SLIT3: variants seen among roughly 807,000 people sequenced by gnomAD.
SLIT3 encodes the protein slit homolog 3 protein.
Under a neutral mutation model 184.0 loss-of-function variants are expected in SLIT3, and 68 were observed. The observed-to-expected ratio is 0.37, with a 90% CI of 0.30 to 0.45. SLIT3 has a LOEUF of 0.45. Ranked by LOEUF, SLIT3 falls within the 20% of genes least tolerant of loss-of-function variation. SLIT3 has a pLI of 1.00. For synonymous variants in SLIT3, 831 were observed against 828.6 expected (o/e 1.00, Z -0.05); for missense variants, 1,707 against 2,026.0 (o/e 0.84, Z 3.02).
intron 5 of SLIT3, among the ~76,000 whole-genome samples, chr5:168,874,574 A>G (rs764884574): frequency 3.3e-5 from 5 of 152,226 alleles, no homozygotes; most frequent in Admixed American, 6.5e-5. Context: ...TGTTTTAGGA[A>G]ATATGCAAAG....
intron 16 of SLIT3, among the ~76,000 whole-genome samples, chr5:168,756,275 CAAT>C (rs960981766): frequency 5.3e-5 from 8 of 152,364 alleles, no homozygotes; most frequent in African/African-American, 1.9e-4. Flanking sequence ...TGACCCACAA[CAAT>C]GCCAGGGGGC....
At chr5:168,783,895 C>T (rs1256589247) in intron 12 of SLIT3, among the ~76,000 whole-genome samples, 2 of 152,146 alleles carry the variant, frequency 1.3e-5, no homozygotes, top group Admixed American at 6.5e-5. Flanking sequence ...CCAAGCTACT[C>T]GATTCCATCT....
intron 4 of SLIT3, among the ~76,000 whole-genome samples, chr5:168,909,448 A>G (rs1761184713): frequency 6.6e-6 from 1 of 152,230 alleles, no homozygotes; most frequent in Admixed American, 6.5e-5. Context: ...TAGAAGGTAC[A>G]GGCAATTCTT....
Position 168,719,812 on chromosome 5 carries a change from G to T in SLIT3, c.2483+2444C>A, listed in dbSNP as rs1486122335. 4 of 152,208 alleles carry T rather than the reference G, an allele frequency of 2.6e-5. No individual in the cohort carries two copies. The East Asian group carries it at 7.7e-4, about 29-fold the overall frequency. 9.4% of individuals were successfully genotyped at this position (152,208 alleles called of 1,614,324 possible). On this transcript the variant is annotated intron_variant, in intron 23 of 35. Transcript: ENST00000519560. ...ATTGGCCCTTAGGCAGAAAATGGTT[G>T]CTCCCCACTGAGGTAGATGGTTGGA...
intron 4 of SLIT3, among the ~76,000 whole-genome samples, chr5:168,987,524 T>C: frequency 6.6e-6 from 1 of 152,228 alleles, no homozygotes; most frequent in East Asian, 1.9e-4. Context: ...TGATGATTCC[T>C]GCCTGTCAGG....
chr5:168,846,291 T>C (rs1758463457), intron 5 of SLIT3, among the ~76,000 whole-genome samples: 1 of 152,012 alleles, frequency 6.6e-6, no homozygotes, highest in East Asian at 1.9e-4. Context: ...AGTTGGCGAG[T>C]TCTGTATCTA....
At chr5:169,142,059 A>G (rs1447212810) in intron 4 of SLIT3, among the ~76,000 whole-genome samples, 2 of 119,754 alleles carry the variant, frequency 1.7e-5, no homozygotes, top group East Asian at 5.8e-4. Context: ...CAAAAAAAAA[A>G]TAAAAATAAA....
intron 4 of SLIT3, among the ~76,000 whole-genome samples, chr5:169,090,658 G>A (rs890878217): frequency 5.3e-5 from 8 of 152,220 alleles, no homozygotes; most frequent in African/African-American, 1.9e-4. Flanking sequence ...ATCTTGAAAA[G>A]AGAGACTGAA....
At chr5:168,969,310 T>A (rs1436620593) in intron 4 of SLIT3, among the ~76,000 whole-genome samples, 2 of 152,200 alleles carry the variant, frequency 1.3e-5, no homozygotes, top group African/African-American at 4.8e-5. Context: ...TAGGTTGTGA[T>A]GAATAAATTA....
intron 4 of SLIT3, among the ~76,000 whole-genome samples, chr5:169,189,283 C>T (rs1474299149): frequency 2.6e-5 from 4 of 151,938 alleles, no homozygotes. Context: ...TTGAGCATAA[C>T]TTCAGCTGCC....
At chr5:169,141,515 A>G (rs1427499605) in intron 4 of SLIT3, among the ~76,000 whole-genome samples, 2 of 150,764 alleles carry the variant, frequency 1.3e-5, no homozygotes, top group East Asian at 2.0e-4. Flanking sequence ...CAAGGTGGGC[A>G]GATCACGAGT....
At chr5:168,935,960 G>T (rs1436221580) in intron 4 of SLIT3, among the ~76,000 whole-genome samples, 1 of 152,190 alleles carries the variant, frequency 6.6e-6, no homozygotes, top group Non-Finnish European at 1.5e-5. Context: ...AATGCATCAG[G>T]CTGAAAGCAA....
chr5:168,874,538 G>A (rs956939740), intron 5 of SLIT3, among the ~76,000 whole-genome samples: 1 of 152,236 alleles, frequency 6.6e-6, no homozygotes, highest in Admixed American at 6.5e-5. Flanking sequence ...GGACAGCTGA[G>A]TAGACAGTTA....
rs56039430 is a variant in SLIT3 at position 168,904,489 on chromosome 5, C to CAATAATAATAATAAT, written c.414-21168_414-21154dup. 4.1e-5 allele frequency among the ~76,000 whole-genome samples: 6 copies of CAATAATAATAATAAT among 147,648 alleles called. No homozygotes were observed. The East Asian group carries it at 8.0e-4, about 20-fold the overall frequency. ...CCAGAAAATCTTACTTTAGAAATAA[C>CAATAATAATAATAAT]AATAATAATAATAATAATAATAATA... On this transcript the variant is annotated intron_variant, in intron 4 of 35. Coordinates refer to ENST00000519560, the MANE Select transcript of SLIT3 (RefSeq NM_003062.4).
rs144793153 is a variant in SLIT3 at position 168,711,658 on chromosome 5, A to G, written c.2556-600T>C. On this transcript the variant is annotated intron_variant, in intron 24 of 35. Coordinates refer to ENST00000519560, the MANE Select transcript of SLIT3 (RefSeq NM_003062.4). ...TAAATATGCATATAGAAGGAATACA[A>G]ACTCGAAAATGTTCACTGACAGAGG... is the stretch of plus-strand genomic sequence containing the variant. Among the ~76,000 whole-genome samples, 347 of 152,332 alleles carry G rather than the reference A, an allele frequency of 2.3e-3. 1 individual carries two copies. The highest frequency in any genetic ancestry group is 7.9e-3 in the African/African-American group (330 of 41,564).
intron 3 of SLIT3, among the ~76,000 whole-genome samples, chr5:169,204,393 C>T (rs184357915): frequency 2.6e-5 from 4 of 152,184 alleles, no homozygotes; most frequent in South Asian, 2.1e-4. Flanking sequence ...GATGTTGAGA[C>T]GTCCAAAATA....
At chr5:169,271,362 C>T (rs968115671) in intron 1 of SLIT3, among the ~76,000 whole-genome samples, 5 of 152,176 alleles carry the variant, frequency 3.3e-5, no homozygotes, top group African/African-American at 4.8e-5. Context: ...GAGTCTCCTA[C>T]GCTCATTCCT....
intron 4 of SLIT3, among the ~76,000 whole-genome samples, chr5:169,030,068 T>C (rs1756969443): frequency 6.6e-6 from 1 of 152,196 alleles, no homozygotes; most frequent in African/African-American, 2.4e-5. Context: ...GCCAGCCCCT[T>C]GGAAACCTGC....
intron 4 of SLIT3, among the ~76,000 whole-genome samples, chr5:169,137,054 C>T (rs1477561613): frequency 1.3e-5 from 2 of 152,012 alleles, no homozygotes; most frequent in Non-Finnish European, 2.9e-5. Context: ...AAAGCTTCAC[C>T]AAGGGGCGAG....
Sources: allele counts gnomAD v4.1 joint callset (sites outside exome capture counted in the v4.1 genomes callset), GRCh38; gene constraint gnomAD v4.1.1; transcripts MANE v1.5; gene names NCBI Gene and HGNC (gene_info 2026-07-23, HGNC 2026-07-21).